Variants in SLC14A2 observed in about 807,000 individuals in gnomAD.
SLC14A2 encodes the protein solute carrier family 14 member 2, also known as urea transporter 2.
In SLC14A2, 91 loss-of-function variants were observed where a neutral mutation model predicts 104.6. That is an observed-to-expected ratio of 0.87 (90% CI 0.73 to 1.04). The LOEUF (loss-of-function observed/expected upper bound fraction) is 1.04, where lower values mean the gene tolerates loss of function less well. Ranked by LOEUF, SLC14A2 falls within the 50% of genes least tolerant of loss-of-function variation. The pLI is 0.00. For synonymous variants in SLC14A2, 476 were observed against 466.4 expected (o/e 1.02, Z -0.27); for missense variants, 1,189 against 1,156.0 (o/e 1.03, Z -0.41).
intron 16 of SLC14A2, among the ~76,000 whole-genome samples, chr18:45,670,756 G>A (rs535320594): frequency 1.3e-5 from 2 of 152,180 alleles, no homozygotes; most frequent in Non-Finnish European, 2.9e-5. Flanking sequence ...AAACTCCTGT[G>A]TTCAAGGGAT....
At chr18:45,241,549 A>G (rs1599604945) in intron 1 of SLC14A2, among the ~76,000 whole-genome samples, 1 of 152,126 alleles carries the variant, frequency 6.6e-6, no homozygotes, top group Non-Finnish European at 1.5e-5. Flanking sequence ...AAAACAGGCA[A>G]CAGCCAGCAG....
At chr18:45,188,031 A>AT in the SLC14A2 span, among the ~76,000 whole-genome samples, 5 of 152,106 alleles carry the variant, frequency 3.3e-5, no homozygotes, top group African/African-American at 1.2e-4. Flanking sequence ...GTGTTACCTA[A>AT]TATATCCCGG....
intron 1 of SLC14A2, among the ~76,000 whole-genome samples, chr18:45,618,369 G>A (rs953395970): frequency 6.6e-6 from 1 of 152,068 alleles, no homozygotes; most frequent in Non-Finnish European, 1.5e-5. Flanking sequence ...TAACTGAGTT[G>A]GTTAGAAGAT....
chr18:45,524,493 G>A (rs905923245), intron 2 of SLC14A2, among the ~76,000 whole-genome samples: 14 of 152,150 alleles, frequency 9.2e-5, no homozygotes, highest in Non-Finnish European at 1.8e-4. Context: ...GAGGTGAGAG[G>A]AAGGGTTGGA....
chr18:45,185,304 A>G, the SLC14A2 span, among the ~76,000 whole-genome samples: 1 of 152,188 alleles, frequency 6.6e-6, no homozygotes, highest in African/African-American at 2.4e-5. Flanking sequence ...TGAATTGTTC[A>G]TGGTCTCTCA....
intron 1 of SLC14A2, among the ~76,000 whole-genome samples, chr18:45,391,512 C>T (rs1227592857): frequency 6.6e-6 from 1 of 152,192 alleles, no homozygotes; most frequent in Admixed American, 6.5e-5. Flanking sequence ...CTGACTTCCA[C>T]AATGGTTGAA....
At chr18:45,366,759 G>C (rs79093690) in intron 1 of SLC14A2, among the ~76,000 whole-genome samples, 11 of 152,166 alleles carry the variant, frequency 7.2e-5, no homozygotes, top group Non-Finnish European at 1.6e-4. Flanking sequence ...GAGGGAACTG[G>C]CTCAGCTGGT....
intron 2 of SLC14A2, chr18:45,492,220 T>C (rs1232454703): frequency 6.6e-6 from 1 of 152,240 alleles, no homozygotes; most frequent in African/African-American, 2.4e-5. Context: ...TGGAGGCCCT[T>C]AACTTGCATG....
At chr18:45,673,962 C>T (rs1050131792) in intron 18 of SLC14A2, 145 bp downstream of exon 18, 11 of 900,120 alleles carry the variant, frequency 1.2e-5, no homozygotes, top group East Asian at 2.7e-5. Context: ...CACATGAAGA[C>T]GGTGGTGGAG....
At chr18:45,654,006 A>C (rs1490317103) in intron 10 of SLC14A2, among the ~76,000 whole-genome samples, 2 of 152,202 alleles carry the variant, frequency 1.3e-5, no homozygotes, top group Admixed American at 1.3e-4. Flanking sequence ...GACAACAGGG[A>C]AGCTACCAGA....
intron 1 of SLC14A2, among the ~76,000 whole-genome samples, chr18:45,452,433 T>C (rs979031723): frequency 1.3e-5 from 2 of 152,180 alleles, no homozygotes; most frequent in Non-Finnish European, 2.9e-5. Flanking sequence ...ATTGTTTGTG[T>C]GTGAGTGAGA....
intron 1 of SLC14A2, among the ~76,000 whole-genome samples, chr18:45,469,162 G>C (rs2087198928): frequency 6.6e-6 from 1 of 152,130 alleles, no homozygotes; most frequent in Non-Finnish European, 1.5e-5. Flanking sequence ...CCATAGAGAT[G>C]GTATGTGTCC....
intron 1 of SLC14A2, among the ~76,000 whole-genome samples, chr18:45,365,849 T>C (rs1412596138): frequency 2.0e-5 from 3 of 152,194 alleles, no homozygotes; most frequent in African/African-American, 7.2e-5. Context: ...TTACTAGTGA[T>C]TGTTTTTCCA....
chr18:45,324,370 C>T (rs748559636), intron 1 of SLC14A2, among the ~76,000 whole-genome samples: 1 of 152,126 alleles, frequency 6.6e-6, no homozygotes, highest in African/African-American at 2.4e-5. Context: ...CAATCGCCAA[C>T]GATTATTTTA....
intron 1 of SLC14A2, among the ~76,000 whole-genome samples, chr18:45,221,774 C>T (rs2084064646): frequency 6.6e-6 from 1 of 151,950 alleles, no homozygotes; most frequent in Non-Finnish European, 1.5e-5. Flanking sequence ...TGGTGGGCAC[C>T]AACAATGTCT....
At chr18:45,401,763 G>A (rs2086098608) in intron 1 of SLC14A2, among the ~76,000 whole-genome samples, 1 of 152,168 alleles carries the variant, frequency 6.6e-6, no homozygotes, top group African/African-American at 2.4e-5. Flanking sequence ...GTCAACTATG[G>A]TGGTGGCAGT....
intron 17 of SLC14A2, among the ~76,000 whole-genome samples, chr18:45,673,250 T>G (rs948028058): frequency 2.0e-5 from 3 of 152,222 alleles, no homozygotes; most frequent in African/African-American, 7.2e-5. Flanking sequence ...GGCTTTGGTG[T>G]TAGTCATTCA....
chr18:45,669,905 T>C (rs1443578175), intron 16 of SLC14A2, among the ~76,000 whole-genome samples: 1 of 152,246 alleles, frequency 6.6e-6, no homozygotes, highest in Non-Finnish European at 1.5e-5. Flanking sequence ...ATTCAAGTCG[T>C]ACACATCATG....
At chr18:45,339,029 G>A (rs1045247265) in intron 1 of SLC14A2, among the ~76,000 whole-genome samples, 12 of 151,780 alleles carry the variant, frequency 7.9e-5, no homozygotes, top group African/African-American at 2.4e-4. Context: ...CTCCTCCTCC[G>A]GGGTTCAAGC....
Sources: allele counts gnomAD v4.1 joint callset (sites outside exome capture counted in the v4.1 genomes callset), GRCh38; gene constraint gnomAD v4.1.1; transcripts MANE v1.5; gene names NCBI Gene and HGNC (gene_info 2026-07-23, HGNC 2026-07-21).